Variants in RASGRP1 observed in about 807,000 individuals in gnomAD.
The protein encoded by RASGRP1 is RAS guanyl releasing protein 1.
RASGRP1 carries 37 observed loss-of-function variants against 95.1 expected under a neutral mutation model. The observed-to-expected ratio is 0.39, with a 90% CI of 0.30 to 0.51. RASGRP1 has a LOEUF of 0.51. Among genes scored for constraint, RASGRP1 ranks in the 20% least tolerant of loss-of-function variants. RASGRP1 has a pLI of 0.80. For synonymous variants in RASGRP1, 325 were observed against 353.4 expected (o/e 0.92, Z 0.90); for missense variants, 711 against 965.4 (o/e 0.74, Z 3.49).
rs372045194 is a variant in RASGRP1 at position 38,507,769 on chromosome 15, G to A, written c.1199C>T (p.Ala400Val). 5.9e-5 allele frequency: 94 copies of A among 1,596,782 alleles called. No individual in the cohort carries two copies. Among genetic ancestry groups the A allele is most frequent in the Middle Eastern group, 1.6e-4 (1 of 6,068 alleles). Residue 400 changes from alanine to valine, a missense_variant, in exon 9 of 17, where the codon GCC (alanine) becomes GTC (valine). Around this residue, in one of 3 missense-constraint regions of RASGRP1, gnomAD observed 491 missense variants for 676.6 expected, o/e 0.73. Coordinates refer to ENST00000310803, the MANE Select transcript of RASGRP1 (RefSeq NM_005739.4). ...ISELVQLQEV[A>V]PPLEANKDLV... ...GTCCTTGTTAGCCTCCAAGGGTGGG[G>A]CCACCTCTTGCAGCTGGACCAATTC... is the stretch of plus-strand genomic sequence containing the variant.
intron 5 of RASGRP1, 72 bp downstream of exon 5, chr15:38,518,220 C>A: frequency 6.7e-7 from 1 of 1,488,050 alleles, no homozygotes; most frequent in East Asian, 2.4e-5. Context: ...GGTCAGAAGC[C>A]CAACAAGCAA....
At chr15:38,504,251 C>A (rs1262042345) in intron 10 of RASGRP1, 2 of 152,030 alleles carry the variant, frequency 1.3e-5, no homozygotes, top group Non-Finnish European at 2.9e-5. Flanking sequence ...ACTTAGACTA[C>A]ACTAAGTTTC....
intron 2 of RASGRP1, among the ~76,000 whole-genome samples, chr15:38,550,242 CAA>C (rs56383365): frequency 1.7e-4 from 15 of 89,016 alleles, no homozygotes; most frequent in Non-Finnish European, 2.5e-4. Flanking sequence ...ACTCTGTCGC[CAA>C]AAAAAAAAAA....
At position 38,497,877 on chromosome 15, in the gene RASGRP1, T is replaced by C. The variant is rs561319886; in HGVS notation, c.1873+917A>G. On this transcript the variant is annotated intron_variant, in intron 15 of 16. Coordinates refer to ENST00000310803, the MANE Select transcript of RASGRP1 (RefSeq NM_005739.4). ...CAGTCCTAGGATTTTCCTTGTATGA[T>C]TTGGAATTTTAATCTGCAAGCTCCA... Among the ~76,000 whole-genome samples, 3 of 152,338 alleles carry C rather than the reference T, an allele frequency of 2.0e-5. No homozygotes were observed. In the East Asian group the frequency reaches 5.8e-4, roughly 29 times the overall value.
chr15:38,547,622 A>T (rs1242720912), intron 2 of RASGRP1, among the ~76,000 whole-genome samples: 2 of 152,170 alleles, frequency 1.3e-5, no homozygotes, highest in Non-Finnish European at 2.9e-5. Flanking sequence ...ACTCAAACTA[A>T]GACAATCTTG....
At chr15:38,554,015 A>C (rs1174747787) in intron 2 of RASGRP1, among the ~76,000 whole-genome samples, 1 of 152,212 alleles carries the variant, frequency 6.6e-6, no homozygotes, top group Non-Finnish European at 1.5e-5. Flanking sequence ...CTCAACATCC[A>C]TTCATGGGTC....
intron 3 of RASGRP1, among the ~76,000 whole-genome samples, chr15:38,523,361 A>G (rs1235521045): frequency 6.6e-6 from 1 of 152,214 alleles, no homozygotes; most frequent in Non-Finnish European, 1.5e-5. Context: ...TTTTGACAAC[A>G]AAGTTTAAAA....
At chr15:38,551,332 A>T (rs1175604921) in intron 2 of RASGRP1, among the ~76,000 whole-genome samples, 1 of 152,334 alleles carries the variant, frequency 6.6e-6, no homozygotes, top group Admixed American at 6.5e-5. Context: ...TCTTCCAGAC[A>T]CTTTAAGTCT....
chr15:38,526,737 G>C (rs114705052), intron 2 of RASGRP1, among the ~76,000 whole-genome samples: 3,833 of 152,204 alleles, frequency 0.025, 174 homozygotes, highest in African/African-American at 0.088. Context: ...TAACTGGTTG[G>C]GGGGTGGGCA....
chr15:38,539,563 T>C (rs1420180562), intron 2 of RASGRP1, among the ~76,000 whole-genome samples: 1 of 150,086 alleles, frequency 6.7e-6, no homozygotes, highest in Non-Finnish European at 1.5e-5. Flanking sequence ...TTTTTTTGTT[T>C]TTATTTATTT....
chr15:38,538,778 G>C (rs1892755921), intron 2 of RASGRP1, among the ~76,000 whole-genome samples: 1 of 152,106 alleles, frequency 6.6e-6, no homozygotes, highest in Admixed American at 6.5e-5. Flanking sequence ...TTCCAACAGA[G>C]AGATAATCCA....
intron 2 of RASGRP1, among the ~76,000 whole-genome samples, chr15:38,550,831 T>C (rs955210945): frequency 6.6e-6 from 1 of 152,180 alleles, no homozygotes; most frequent in African/African-American, 2.4e-5. Context: ...GATGGTAAAA[T>C]GAGTGACGGT....
intron 7 of RASGRP1, among the ~76,000 whole-genome samples, chr15:38,512,573 G>A (rs561939589): frequency 5.3e-5 from 8 of 152,176 alleles, no homozygotes; most frequent in Admixed American, 3.9e-4. Flanking sequence ...GATATGGCCT[G>A]TATGGCCCCC....
chr15:38,494,412 G>C lies in RASGRP1; in HGVS notation c.2229C>G (p.Leu743=). ...LIKSKEELRH[L]RLPTYQELEQ... ...CCAGTTCTTGGTAGGTAGGCAGTCT[G>C]AGGTGACGGAGCTCCTCCTTTGATT... The change falls in exon 16 of 17, where the codon CTC becomes CTG. Residue 743 remains leucine, a synonymous_variant. Transcript: ENST00000310803. 1 of 1,613,978 alleles carries C rather than the reference G, an allele frequency of 6.2e-7. No homozygotes were observed. The highest frequency in any genetic ancestry group is 2.2e-5 in the East Asian group (1 of 44,880).
At chr15:38,494,010 A>G (rs1403752083) in intron 16 of RASGRP1, among the ~76,000 whole-genome samples, 1 of 152,212 alleles carries the variant, frequency 6.6e-6, no homozygotes, top group South Asian at 2.1e-4. Flanking sequence ...TGGTATCAGC[A>G]CAGTAAAGCT....
At chr15:38,547,554 T>C (rs913268382) in intron 2 of RASGRP1, among the ~76,000 whole-genome samples, 1 of 152,198 alleles carries the variant, frequency 6.6e-6, no homozygotes, top group African/African-American at 2.4e-5. Flanking sequence ...TAGGACCACC[T>C]TCCAAAGTAA....
At chr15:38,511,855 T>G in intron 7 of RASGRP1, 135 bp from the exon 8 acceptor site, 2 of 623,156 alleles carry the variant, frequency 3.2e-6, no homozygotes, top group East Asian at 2.8e-5. Flanking sequence ...GCATTGCAAT[T>G]TCCTGTCCAT....
intron 12 of RASGRP1, among the ~76,000 whole-genome samples, chr15:38,501,768 A>G (rs1891034285): frequency 6.6e-6 from 1 of 152,210 alleles, no homozygotes; most frequent in African/African-American, 2.4e-5. Context: ...ATCTGTAATG[A>G]CAAAGCAAGA....
intron 3 of RASGRP1, among the ~76,000 whole-genome samples, chr15:38,519,682 A>G (rs1566922614): frequency 6.6e-6 from 1 of 152,196 alleles, no homozygotes; most frequent in Non-Finnish European, 1.5e-5. Flanking sequence ...GTAACTTATA[A>G]AAAGTGAAGA....
Sources: allele counts gnomAD v4.1 joint callset (sites outside exome capture counted in the v4.1 genomes callset), GRCh38; gene constraint gnomAD v4.1.1; regional missense constraint gnomAD v4.1.1; transcripts MANE v1.5; gene names NCBI Gene and HGNC (gene_info 2026-07-23, HGNC 2026-07-21).